NNMT: variants seen among roughly 807,000 people sequenced by gnomAD.
NNMT encodes nicotinamide N-methyltransferase.
In NNMT, 10 loss-of-function variants were observed where a neutral mutation model predicts 11.7. That is an observed-to-expected ratio of 0.85 (90% CI 0.53 to 1.45). The LOEUF (loss-of-function observed/expected upper bound fraction) is 1.45. Ranked by LOEUF, NNMT falls within the 40% of genes most tolerant of loss-of-function variation. The pLI, the probability that NNMT is intolerant of heterozygous loss-of-function variation, is 0.00. For missense variants in NNMT, 381 were observed against 319.4 expected, an observed-to-expected ratio of 1.19 and a Z score of -1.47; for synonymous variants, 143 against 133.8, an observed-to-expected ratio of 1.07 and a Z score of -0.48.
upstream of NNMT, among the ~76,000 whole-genome samples, chr11:114,294,706 C>A (rs574477372): frequency 4.9e-4 from 74 of 151,070 alleles, no homozygotes; most frequent in South Asian, 0.015. Context: ...CTCATGTAAC[C>A]CATAAATATA....
At chr11:114,311,294 C>G (rs58180722) in intron 2 of NNMT, among the ~76,000 whole-genome samples, 3,628 of 152,276 alleles carry the variant, frequency 0.024, 158 homozygotes, top group African/African-American at 0.081. Flanking sequence ...GGCGCCACTG[C>G]GCTCCATCCT....
At chr11:114,258,067 G>A (rs1000472528) in intron 1 of NNMT, among the ~76,000 whole-genome samples, 1 of 152,120 alleles carries the variant, frequency 6.6e-6, no homozygotes, top group Non-Finnish European at 1.5e-5. Flanking sequence ...CCCCACTGCC[G>A]CCCCCTGCCA....
chr11:114,299,906 G>A (rs1945421478), intron 2 of NNMT, among the ~76,000 whole-genome samples: 2 of 150,762 alleles, frequency 1.3e-5, no homozygotes, highest in Admixed American at 1.3e-4. Flanking sequence ...TCTTTCTGTT[G>A]TCTTGATCAA....
At chr11:114,279,628 GC>G (rs1945244065) in intron 2 of NNMT, among the ~76,000 whole-genome samples, 1 of 152,172 alleles carries the variant, frequency 6.6e-6, no homozygotes, top group Non-Finnish European at 1.5e-5. Context: ...GGCTCATTTG[GC>G]TCAAGGGTGG....
Position 114,297,931 on chromosome 11 carries a change from T to G in NNMT, c.155-20T>G. 1 of 1,609,804 alleles carries G rather than the reference T, an allele frequency of 6.2e-7. No individual in the cohort carries two copies. The highest frequency in any genetic ancestry group is 8.5e-7 in the Non-Finnish European group (1 of 1,177,776). ...CATGAGATGCCTGATCTCTCCTCTT[T>G]GTTCCTCCCACTAATCCAGACGGTG... On this transcript the variant is annotated intron_variant, in intron 1 of 2. Transcript: ENST00000299964.
intron 2 of NNMT, among the ~76,000 whole-genome samples, chr11:114,281,323 G>C (rs1189534386): frequency 6.6e-6 from 1 of 152,164 alleles, no homozygotes; most frequent in East Asian, 1.9e-4. Flanking sequence ...TGGGATTCAG[G>C]CTCTTCCAAA....
Position 114,312,590 on chromosome 11 carries a change from G to A in NNMT, c.*113G>A. 9.9e-7 allele frequency: 1 copy of A among 1,006,940 alleles called. No homozygotes were observed. Among genetic ancestry groups the A allele is most frequent in the South Asian group, 1.5e-5 (1 of 66,150 alleles). The allele number at this position is 1,006,940 out of a possible 1,614,324, so 62.4% of individuals were successfully genotyped here. On this transcript the variant is annotated 3_prime_UTR_variant, in exon 3 of 3. Transcript: ENST00000299964. ...GAGGCTCAGTGGTTGGGGCCCAATG[G>A]TTCATCTAGGACGGGACTAGAGAGG...
chr11:114,310,316 G>C (rs1945538232), intron 2 of NNMT, among the ~76,000 whole-genome samples: 1 of 152,130 alleles, frequency 6.6e-6, no homozygotes, highest in African/African-American at 2.4e-5. Context: ...GATGTGAAGT[G>C]GTATCTCATG....
intron 2 of NNMT, among the ~76,000 whole-genome samples, chr11:114,287,070 G>GT (rs1945305548): frequency 6.6e-6 from 1 of 152,140 alleles, no homozygotes; most frequent in Non-Finnish European, 1.5e-5. Context: ...GTCTGTTCAA[G>GT]TTTTTTGTTT....
chr11:114,299,800 T>C (rs1414814699), intron 2 of NNMT, among the ~76,000 whole-genome samples: 1 of 152,080 alleles, frequency 6.6e-6, no homozygotes. Context: ...TGGCATTTTT[T>C]TTTTTTTACA....
intron 2 of NNMT, among the ~76,000 whole-genome samples, chr11:114,306,832 C>T (rs909763838): frequency 2.0e-5 from 3 of 152,126 alleles, no homozygotes; most frequent in Admixed American, 1.3e-4. Context: ...AGGCCCCTGT[C>T]GAGGTGGCAG....
intron 2 of NNMT, among the ~76,000 whole-genome samples, chr11:114,308,737 G>A (rs1945516804): frequency 6.6e-6 from 1 of 152,146 alleles, no homozygotes; most frequent in Non-Finnish European, 1.5e-5. Context: ...GTAATTGGCT[G>A]GGTCTCTGGT....
chr11:114,310,920 G>C (rs1945543837), intron 2 of NNMT, among the ~76,000 whole-genome samples: 1 of 152,116 alleles, frequency 6.6e-6, no homozygotes, highest in African/African-American at 2.4e-5. Flanking sequence ...TTGTTTGTTT[G>C]TTCCTTTCTT....
At chr11:114,276,028 C>T (rs2135252249) in intron 2 of NNMT, among the ~76,000 whole-genome samples, 1 of 152,252 alleles carries the variant, frequency 6.6e-6, no homozygotes, top group African/African-American at 2.4e-5. Context: ...TTACATGTGA[C>T]ATTTGGAAAG....
At chr11:114,311,983 A>G in intron 2 of NNMT, 62 bp from the exon 3 acceptor site, 4 of 1,506,856 alleles carry the variant, frequency 2.7e-6, no homozygotes, top group African/African-American at 1.4e-5. Context: ...GCCTTGACCC[A>G]AGAGATCTGG....
At chr11:114,289,270 TTC>T (rs1945319092) in intron 2 of NNMT, among the ~76,000 whole-genome samples, 1 of 152,222 alleles carries the variant, frequency 6.6e-6, no homozygotes. Context: ...CATATGAGCC[TTC>T]TCTCTTTTTT....
At chr11:114,289,851 G>A (rs898022465) in intron 2 of NNMT, among the ~76,000 whole-genome samples, 1 of 152,162 alleles carries the variant, frequency 6.6e-6, no homozygotes, top group Non-Finnish European at 1.5e-5. Context: ...CCATAAACGA[G>A]GTGGCTTGTA....
At chr11:114,296,840 G>A (rs911930181) in intron 1 of NNMT, 130 bp downstream of exon 1, 2 of 866,266 alleles carry the variant, frequency 2.3e-6, no homozygotes, top group Non-Finnish European at 3.7e-6. Context: ...ATTTAACTAG[G>A]ATAAAAACGA....
upstream of NNMT, among the ~76,000 whole-genome samples, chr11:114,291,718 C>CTCTAAGAT (rs1945336748): frequency 6.6e-6 from 1 of 152,072 alleles, no homozygotes; most frequent in African/African-American, 2.4e-5. Flanking sequence ...TGGACTCGTC[C>CTCTAAGAT]TCTAAGTTTC....
Sources: allele counts gnomAD v4.1 joint callset (sites outside exome capture counted in the v4.1 genomes callset), GRCh38; gene constraint gnomAD v4.1.1; transcripts MANE v1.5; gene names NCBI Gene and HGNC (gene_info 2026-07-23, HGNC 2026-07-21).